Variants in PPARD observed in about 807,000 individuals in gnomAD.
The protein encoded by PPARD is peroxisome proliferator-activated receptor delta.
Under a neutral mutation model 39.5 loss-of-function variants are expected in PPARD, and 6 were observed. The ratio of observed to expected loss-of-function variants is 0.15; its 90% CI spans 0.08 to 0.30. The LOEUF is 0.30. Among genes scored for constraint, PPARD ranks in the 10% least tolerant of loss-of-function variants. PPARD has a pLI of 1.00. For synonymous variants in PPARD, 210 were observed against 231.3 expected, an observed-to-expected ratio of 0.91 and a Z score of 0.83; for missense variants, 397 against 596.8, an observed-to-expected ratio of 0.67 and a Z score of 3.49.
chr6:35,353,176 T>G (rs1467023232), intron 2 of PPARD, among the ~76,000 whole-genome samples: 1 of 152,218 alleles, frequency 6.6e-6, no homozygotes, highest in Non-Finnish European at 1.5e-5. Context: ...GGTGAAGGAA[T>G]TTGTACTCTG....
At chr6:35,374,160 C>T (rs984917530) in intron 2 of PPARD, among the ~76,000 whole-genome samples, 6 of 152,010 alleles carry the variant, frequency 3.9e-5, no homozygotes, top group African/African-American at 1.2e-4. Context: ...AGAGCTTTTC[C>T]ACTCTGTACA....
At chr6:35,343,718 G>A (rs568534955) in intron 1 of PPARD, among the ~76,000 whole-genome samples, 3 of 152,204 alleles carry the variant, frequency 2.0e-5, no homozygotes, top group Non-Finnish European at 4.4e-5. Context: ...GGAACCCTTG[G>A]GGGAGACGGC....
At chr6:35,386,087 G>A (rs1458568853) in intron 2 of PPARD, among the ~76,000 whole-genome samples, 4 of 152,110 alleles carry the variant, frequency 2.6e-5, no homozygotes, top group Non-Finnish European at 5.9e-5. Flanking sequence ...GCAGCAGTGA[G>A]ATGGAAGCAG....
intron 2 of PPARD, among the ~76,000 whole-genome samples, chr6:35,380,303 A>G (rs867521198): frequency 6.6e-6 from 1 of 152,038 alleles, no homozygotes; most frequent in Non-Finnish European, 1.5e-5. Flanking sequence ...TCATGGTCCA[A>G]AATGGTTGCC....
At chr6:35,372,783 C>T (rs1035219335) in intron 2 of PPARD, among the ~76,000 whole-genome samples, 11 of 152,178 alleles carry the variant, frequency 7.2e-5, no homozygotes, top group African/African-American at 2.2e-4. Context: ...CAGATTCAGG[C>T]TCTATGACCC....
chr6:35,377,297 C>T (rs1404885773), intron 2 of PPARD, among the ~76,000 whole-genome samples: 1 of 152,116 alleles, frequency 6.6e-6, no homozygotes, highest in African/African-American at 2.4e-5. Flanking sequence ...CTACGGACGT[C>T]ATTTGTTTTA....
chr6:35,380,181 T>G (rs1325992600), intron 2 of PPARD, among the ~76,000 whole-genome samples: 2 of 152,226 alleles, frequency 1.3e-5, no homozygotes, highest in Non-Finnish European at 2.9e-5. Flanking sequence ...GGATTCTGAC[T>G]GAGTTAGGTA....
intron 2 of PPARD, chr6:35,348,555 G>T (rs1761027961): frequency 1.0e-6 from 1 of 985,438 alleles, no homozygotes; most frequent in Non-Finnish European, 1.2e-6. Context: ...TGGGCCTCCT[G>T]CCTGATTTGT....
intron 5 of PPARD, among the ~76,000 whole-genome samples, chr6:35,423,386 T>C (rs974641164): frequency 6.6e-6 from 1 of 151,150 alleles, no homozygotes; most frequent in African/African-American, 2.4e-5. Flanking sequence ...ATACAAAAAT[T>C]AGCCAGGCAT....
chr6:35,414,400 A>G (rs980872978), intron 3 of PPARD, among the ~76,000 whole-genome samples: 4 of 152,318 alleles, frequency 2.6e-5, no homozygotes, highest in South Asian at 4.1e-4. Context: ...CACTACTTCC[A>G]TAATTTGAAA....
chr6:35,386,957 T>G (rs1763698195), intron 2 of PPARD, among the ~76,000 whole-genome samples: 2 of 150,860 alleles, frequency 1.3e-5, no homozygotes, highest in Admixed American at 6.6e-5. Context: ...TTGGTTTATA[T>G]ATTTGTCAGG....
At chr6:35,373,877 C>T (rs1443544574) in intron 2 of PPARD, among the ~76,000 whole-genome samples, 1 of 152,034 alleles carries the variant, frequency 6.6e-6, no homozygotes, top group Non-Finnish European at 1.5e-5. Flanking sequence ...CACCATGTTG[C>T]TCAGGCTGGT....
At chr6:35,384,292 C>G (rs1763411493) in intron 2 of PPARD, among the ~76,000 whole-genome samples, 1 of 140,024 alleles carries the variant, frequency 7.1e-6, no homozygotes, top group Admixed American at 6.8e-5. Flanking sequence ...GCCAGCCGCC[C>G]CGTCCGGGAG....
intron 2 of PPARD, among the ~76,000 whole-genome samples, chr6:35,399,204 A>T (rs116774485): frequency 0.012 from 1,806 of 152,178 alleles, 33 homozygotes; most frequent in African/African-American, 0.042. Context: ...GTTCAAGACT[A>T]GCCTGGCCAA....
At chr6:35,423,300 G>A (rs376662509) in intron 5 of PPARD, among the ~76,000 whole-genome samples, 2 of 151,816 alleles carry the variant, frequency 1.3e-5, no homozygotes, top group Non-Finnish European at 2.9e-5. Context: ...AGGCCAAGGC[G>A]AGTGGATCAC....
intron 2 of PPARD, among the ~76,000 whole-genome samples, chr6:35,349,500 G>C (rs1761107940): frequency 6.6e-6 from 1 of 152,132 alleles, no homozygotes; most frequent in Non-Finnish European, 1.5e-5. Flanking sequence ...AGAATCTCAT[G>C]TTTTAATAAA....
intron 2 of PPARD, among the ~76,000 whole-genome samples, chr6:35,399,825 AT>A (rs1764585517): frequency 1.3e-5 from 2 of 152,236 alleles, no homozygotes; most frequent in South Asian, 4.1e-4. Context: ...CACTTATGTT[AT>A]TAAATATTCT....
At chr6:35,423,785 T>C (rs1229796543) in intron 5 of PPARD, among the ~76,000 whole-genome samples, 161 bp from the exon 6 acceptor site, 1 of 150,880 alleles carries the variant, frequency 6.6e-6, no homozygotes, top group Non-Finnish European at 1.5e-5. Context: ...GAGCTTGCGA[T>C]CTGGAGGGGC....
chr6:35,372,402 C>T (rs1762532017), intron 2 of PPARD, among the ~76,000 whole-genome samples: 1 of 152,208 alleles, frequency 6.6e-6, no homozygotes, highest in Non-Finnish European at 1.5e-5. Context: ...TAGTCTTGAA[C>T]TCCTGACCTC....
Sources: gnomAD v4.1 joint callset for allele counts (sites outside exome capture counted in the v4.1 genomes callset) on GRCh38, gnomAD v4.1.1 for gene constraint, MANE v1.5 for transcripts, NCBI Gene and HGNC (gene_info 2026-07-23, HGNC 2026-07-21) for gene names.